SUGCT: variants seen among roughly 807,000 people sequenced by gnomAD.
The protein encoded by SUGCT is succinyl-CoA:glutarate-CoA transferase.
Under a neutral mutation model 55.0 loss-of-function variants are expected in SUGCT, and 41 were observed. The ratio of observed to expected loss-of-function variants is 0.74; its 90% CI spans 0.58 to 0.97. The LOEUF (loss-of-function observed/expected upper bound fraction) is 0.97. SUGCT is among the 50% of genes least tolerant of loss of function. The pLI is 0.00. For synonymous variants in SUGCT, 187 were observed against 200.4 expected, an observed-to-expected ratio of 0.93 and a Z score of 0.56; for missense variants, 568 against 547.8, an observed-to-expected ratio of 1.04 and a Z score of -0.37.
At chr7:41,001,811 C>T in the SUGCT span, among the ~76,000 whole-genome samples, 9 of 152,270 alleles carry the variant, frequency 5.9e-5, no homozygotes, top group Admixed American at 2.6e-4. Context: ...TATACATTTT[C>T]GGAGGACACA....
intron 13 of SUGCT, among the ~76,000 whole-genome samples, chr7:40,835,890 CTTTTTTT>C (rs1011199588): frequency 7.3e-5 from 10 of 136,080 alleles, no homozygotes; most frequent in African/African-American, 2.2e-4. Flanking sequence ...TCTTTTTTTT[CTTTTTTT>C]TTTTTTTTTT....
At chr7:40,136,862 T>C (rs963460938) in intron 1 of SUGCT, among the ~76,000 whole-genome samples, 1 of 152,118 alleles carries the variant, frequency 6.6e-6, no homozygotes, top group African/African-American at 2.4e-5. Flanking sequence ...CCGGGCTTGG[T>C]GGCGTGCGCC....
chr7:40,171,504 GA>G (rs1304968608), intron 1 of SUGCT, among the ~76,000 whole-genome samples: 49 of 152,194 alleles, frequency 3.2e-4, no homozygotes, highest in Non-Finnish European at 2.9e-5. Context: ...CCCCTGTTAG[GA>G]AATCTGCTGG....
At chr7:40,425,288 G>C (rs1230113279) in intron 9 of SUGCT, among the ~76,000 whole-genome samples, 1 of 151,996 alleles carries the variant, frequency 6.6e-6, no homozygotes, top group Non-Finnish European at 1.5e-5. Context: ...AAATAAGCAA[G>C]ATCTTCTATT....
chr7:40,337,979 T>G (rs1032361125), intron 9 of SUGCT, among the ~76,000 whole-genome samples: 2 of 152,160 alleles, frequency 1.3e-5, no homozygotes, highest in Admixed American at 6.6e-5. Context: ...GCTTGTCTGT[T>G]AAGGATTTTA....
rs17171702 is a variant in SUGCT at position 40,374,781 on chromosome 7, C to A, written c.816+57926C>A. On this transcript the variant is annotated intron_variant, in intron 9 of 13. Coordinates refer to ENST00000335693, the MANE Select transcript of SUGCT (RefSeq NM_001193313.2). ...TGTTGTATGAACATGTAATCCTGGG[C>A]TGATTGAATCACACAAACAAGAACA... Among the ~76,000 whole-genome samples the A allele has an allele frequency of 1.0e-2, 1,517 of 152,190 alleles. 22 individuals carry two copies. The highest frequency in any genetic ancestry group is 0.035 in the African/African-American group (1,448 of 41,498).
chr7:40,871,516 C>A, the SUGCT span, among the ~76,000 whole-genome samples: 1 of 152,178 alleles, frequency 6.6e-6, no homozygotes, highest in Non-Finnish European at 1.5e-5. Flanking sequence ...CCCATCTGAA[C>A]CTTGACCAAA....
rs113143312 is a variant in SUGCT at position 40,190,434 on chromosome 7, G to A, written c.363+840G>A. Among the ~76,000 whole-genome samples, 16 of 152,172 alleles carry A rather than the reference G, an allele frequency of 1.1e-4. 1 individual carries two copies. The highest frequency in any genetic ancestry group is 3.6e-4 in the African/African-American group (15 of 41,532). On this transcript the variant is annotated intron_variant, in intron 5 of 13. Transcript: ENST00000335693. ...CTGGCTAATTTTTGTAATTTTAGTAGCAATGGGGTTTCACCATGTTGGCCA... is the reference window on the plus strand; with the variant it reads ...CTGGCTAATTTTTGTAATTTTAGTAACAATGGGGTTTCACCATGTTGGCCA...
intron 9 of SUGCT, among the ~76,000 whole-genome samples, chr7:40,322,390 C>G (rs1431838708): frequency 6.6e-6 from 1 of 152,190 alleles, no homozygotes; most frequent in Non-Finnish European, 1.5e-5. Flanking sequence ...GTAGCTACCA[C>G]TATACTAAGT....
chr7:40,488,120 G>T, intron 11 of SUGCT, among the ~76,000 whole-genome samples: 1 of 150,042 alleles, frequency 6.7e-6, no homozygotes, highest in East Asian at 1.9e-4. Flanking sequence ...TAGTTGTTTT[G>T]TAGATTCTTT....
chr7:41,012,290 T>C, the SUGCT span, among the ~76,000 whole-genome samples: 1 of 152,152 alleles, frequency 6.6e-6, no homozygotes, highest in African/African-American at 2.4e-5. Flanking sequence ...CAGCTCAAGC[T>C]CACTGCCTTT....
intron 13 of SUGCT, among the ~76,000 whole-genome samples, chr7:40,752,446 C>T (rs1788063841): frequency 6.6e-6 from 1 of 152,180 alleles, no homozygotes; most frequent in South Asian, 2.1e-4. Flanking sequence ...ACCTCCACCT[C>T]CCAGGTTTAA....
At chr7:40,410,059 C>A (rs145781705) in intron 9 of SUGCT, among the ~76,000 whole-genome samples, 1 of 151,952 alleles carries the variant, frequency 6.6e-6, no homozygotes, top group African/African-American at 2.4e-5. Flanking sequence ...TTGTGTAGCA[C>A]GAGCGTATAT....
At chr7:40,565,313 T>C (rs1378786520) in intron 12 of SUGCT, among the ~76,000 whole-genome samples, 1 of 152,162 alleles carries the variant, frequency 6.6e-6, no homozygotes, top group East Asian at 1.9e-4. Flanking sequence ...AACTAATTTG[T>C]GGAATACACT....
intron 10 of SUGCT, among the ~76,000 whole-genome samples, chr7:40,452,672 G>A (rs774568579): frequency 3.9e-5 from 6 of 152,114 alleles, no homozygotes; most frequent in Non-Finnish European, 7.3e-5. Flanking sequence ...ATTATAATAC[G>A]TAATTATACT....
intron 13 of SUGCT, 112 bp from the exon 14 acceptor site, chr7:40,860,204 T>G: frequency 7.9e-7 from 1 of 1,259,398 alleles, no homozygotes; most frequent in Non-Finnish European, 1.1e-6. Context: ...AGGGTGTAAC[T>G]GGCACTCATT....
chr7:40,138,719 G>A (rs1787824264), intron 1 of SUGCT, among the ~76,000 whole-genome samples: 1 of 151,976 alleles, frequency 6.6e-6, no homozygotes, highest in African/African-American at 2.4e-5. Context: ...ATATCTCATT[G>A]TGGTTTTTAA....
At chr7:40,302,485 AATGGCTTAG>A (rs1458242183) in intron 8 of SUGCT, among the ~76,000 whole-genome samples, 7 of 152,200 alleles carry the variant, frequency 4.6e-5, no homozygotes, top group Admixed American at 4.6e-4. Flanking sequence ...GTTGTCTGGT[AATGGCTTAG>A]ATGGAGTCTC....
rs1554338605 is a variant in SUGCT at position 40,439,070 on chromosome 7, A to ATATGTG, written c.817-10214_817-10213insGTGTAT. ...TATATGGTATATATATGGTGTATATATATATATATATATATATATATATAT... is the reference window on the plus strand; with the variant it reads ...TATATGGTATATATATGGTGTATATATATGTGTATATATATATATATATATATATAT... On this transcript the variant is annotated intron_variant, in intron 9 of 13. Transcript: ENST00000335693. Among the ~76,000 whole-genome samples the ATATGTG allele has an allele frequency of 7.5e-3, 392 of 52,448 alleles. 42 individuals are homozygous for ATATGTG. Among genetic ancestry groups the ATATGTG allele is most frequent in the African/African-American group, 0.034 (375 of 11,074 alleles). 34.4% of individuals were successfully genotyped at this position (52,448 alleles called of 152,430 possible). A position where few individuals can be genotyped will look rare whatever the true frequency, so the allele number is the denominator to read the frequency against.
Sources: gnomAD v4.1 joint callset for allele counts (sites outside exome capture counted in the v4.1 genomes callset) on GRCh38, gnomAD v4.1.1 for gene constraint, MANE v1.5 for transcripts, NCBI Gene and HGNC (gene_info 2026-07-23, HGNC 2026-07-21) for gene names.